The following ANKRD44 variants were observed in gnomAD, a reference collection of about 807,000 sequenced individuals.
ANKRD44 encodes ankyrin repeat domain 44, also known as serine/threonine-protein phosphatase 6 regulatory ankyrin repeat subunit B.
Under a neutral mutation model 116.0 loss-of-function variants are expected in ANKRD44, and 35 were observed. The observed-to-expected ratio is 0.30, with a 90% CI of 0.23 to 0.40. The LOEUF (loss-of-function observed/expected upper bound fraction) is 0.40, where lower values mean the gene tolerates loss of function less well. Ranked by LOEUF, ANKRD44 falls within the 10% of genes least tolerant of loss-of-function variation. The pLI, the probability that ANKRD44 is intolerant of heterozygous loss-of-function variation, is 1.00. For missense variants in ANKRD44, 1,014 were observed against 1,242.6 expected, an observed-to-expected ratio of 0.82 and a Z score of 2.77; for synonymous variants, 435 against 461.8, an observed-to-expected ratio of 0.94 and a Z score of 0.74.
At chr2:196,979,382 CAAAA>C (rs778459937) in intron 21 of ANKRD44, among the ~76,000 whole-genome samples, 1 of 40,572 alleles carries the variant, frequency 2.5e-5, no homozygotes. Flanking sequence ...GACTCCGTCT[CAAAA>C]AAAAAAAAAA....
At chr2:196,970,208 G>A (rs1409542978) in intron 21 of ANKRD44, among the ~76,000 whole-genome samples, 1 of 152,162 alleles carries the variant, frequency 6.6e-6, no homozygotes, top group Admixed American at 6.5e-5. Context: ...TATGATGGAA[G>A]GACTAAGATG....
chr2:197,257,718 T>G lies in ANKRD44; in HGVS notation c.27+52860A>C, dbSNP rs145257002. Among the ~76,000 whole-genome samples the G allele has an allele frequency of 4.3e-3, 659 of 152,336 alleles. 7 individuals are homozygous for G. The highest frequency in any genetic ancestry group is 0.015 in the African/African-American group (626 of 41,568). ...ACCCCACAAATATATACACCTACTA[T>G]GTACCCACAAAAAGTAAAAATTTTT... On this transcript the variant is annotated intron_variant, in intron 1 of 27. Transcript: ENST00000282272.
At chr2:197,096,362 A>C (rs1315288724) in intron 10 of ANKRD44, among the ~76,000 whole-genome samples, 1 of 152,208 alleles carries the variant, frequency 6.6e-6, no homozygotes, top group Non-Finnish European at 1.5e-5. Context: ...TCTGCTGTTG[A>C]GGCAGAAAAA....
At chr2:197,186,976 G>T in intron 2 of ANKRD44, 47 bp downstream of exon 2, 1 of 1,536,852 alleles carries the variant, frequency 6.5e-7, no homozygotes, top group Non-Finnish European at 9.0e-7. Context: ...GTCCTTTCCT[G>T]CTCCAGGCTA....
rs139336667 is a variant in ANKRD44 at position 197,083,442 on chromosome 2, C to A, written c.1384G>T (p.Ala462Ser). 5 of 1,613,940 alleles carry A rather than the reference C, an allele frequency of 3.1e-6. No homozygotes were observed. The highest frequency in any genetic ancestry group is 4.2e-6 in the Non-Finnish European group (5 of 1,179,890). The change falls in exon 14 of 28, where the codon GCC (alanine) becomes TCC (serine). Residue 462 changes from alanine to serine, a missense_variant. Physicochemically the swap from Ala to Ser is moderately conservative, Grantham distance 99 (BLOSUM62 1). Coordinates refer to ENST00000282272, the MANE Select transcript of ANKRD44 (RefSeq NM_001195144.2). ...CAGTCATCTGTTTCATTAACGTTGG[C>A]CCCTGTGGTCACTAATGTCTCAATA... is the stretch of plus-strand genomic sequence containing the variant. ...HCIETLVTTGANVNETDDWGR... is the reference protein window; with the variant it reads ...HCIETLVTTGSNVNETDDWGR...
At chr2:197,018,506 T>G (rs1040171806) in intron 17 of ANKRD44, among the ~76,000 whole-genome samples, 1 of 152,182 alleles carries the variant, frequency 6.6e-6, no homozygotes, top group African/African-American at 2.4e-5. Flanking sequence ...GAGCAGCCCA[T>G]GTAACATATA....
chr2:197,292,429 T>C (rs1304203441), intron 1 of ANKRD44, among the ~76,000 whole-genome samples: 2 of 152,230 alleles, frequency 1.3e-5, no homozygotes, highest in Non-Finnish European at 2.9e-5. Context: ...TGACCAGTGA[T>C]GATGTTGCTC....
intron 17 of ANKRD44, among the ~76,000 whole-genome samples, chr2:197,021,893 G>T (rs1347457939): frequency 1.3e-5 from 2 of 152,216 alleles, no homozygotes; most frequent in African/African-American, 4.8e-5. Context: ...GATCTCAACA[G>T]AATCCATGAG....
intron 21 of ANKRD44, among the ~76,000 whole-genome samples, chr2:196,971,296 T>C (rs1287438366): frequency 6.6e-6 from 1 of 152,226 alleles, no homozygotes; most frequent in Non-Finnish European, 1.5e-5. Context: ...CATAAACATT[T>C]AACTGCAACT....
chr2:196,986,483 A>G (rs1302653731), downstream of ANKRD44, among the ~76,000 whole-genome samples: 2 of 152,240 alleles, frequency 1.3e-5, no homozygotes, highest in Admixed American at 6.5e-5. Flanking sequence ...AATAAACACA[A>G]GCATATATGT....
chr2:197,247,138 C>T (rs764181090), intron 1 of ANKRD44, among the ~76,000 whole-genome samples: 1 of 152,162 alleles, frequency 6.6e-6, no homozygotes, highest in Non-Finnish European at 1.5e-5. Context: ...TTCATTCAAG[C>T]ATGGTCCTTA....
At chr2:197,062,330 T>C (rs2077332894) in intron 16 of ANKRD44, among the ~76,000 whole-genome samples, 1 of 152,202 alleles carries the variant, frequency 6.6e-6, no homozygotes, top group Non-Finnish European at 1.5e-5. Context: ...GTATTCTGAT[T>C]GGTATGGCAC....
intron 1 of ANKRD44, among the ~76,000 whole-genome samples, chr2:197,276,133 G>A (rs1341961605): frequency 6.6e-6 from 1 of 151,954 alleles, no homozygotes; most frequent in Non-Finnish European, 1.5e-5. Context: ...AAATTAGCCA[G>A]GCATGGTGGC....
Position 197,187,116 on chromosome 2 carries a change from C to T in ANKRD44, c.28-10G>A, listed in dbSNP as rs954122959. ...CCTGAACCAATGGTGGCTGCAAACACAAGAGAATGGGAATCAGAACTAAAA... is the reference window on the plus strand; with the variant it reads ...CCTGAACCAATGGTGGCTGCAAACATAAGAGAATGGGAATCAGAACTAAAA... On this transcript the variant is annotated splice_polypyrimidine_tract_variant and intron_variant, in intron 1 of 27. Coordinates refer to ENST00000282272, the MANE Select transcript of ANKRD44 (RefSeq NM_001195144.2). 95 of 1,613,742 alleles carry T rather than the reference C, an allele frequency of 5.9e-5. No homozygotes were observed. The highest frequency in any genetic ancestry group is 8.0e-5 in the Non-Finnish European group (94 of 1,179,720).
At chr2:197,151,435 C>G (rs898174907) in intron 2 of ANKRD44, among the ~76,000 whole-genome samples, 3 of 152,152 alleles carry the variant, frequency 2.0e-5, no homozygotes, top group East Asian at 3.9e-4. Context: ...AACACCCCCA[C>G]TATTTTTGAA....
intron 1 of ANKRD44, among the ~76,000 whole-genome samples, chr2:197,216,481 T>C (rs140556302): frequency 4.6e-4 from 70 of 152,282 alleles, no homozygotes; most frequent in African/African-American, 1.5e-3. Flanking sequence ...CCCTCCTAAA[T>C]CCTTGTGATC....
chr2:197,198,416 T>C (rs903118568), intron 1 of ANKRD44, among the ~76,000 whole-genome samples: 3 of 152,130 alleles, frequency 2.0e-5, no homozygotes, highest in Non-Finnish European at 2.9e-5. Flanking sequence ...ACTGCAATAA[T>C]AGTCTGCACA....
At chr2:197,005,594 C>G (rs756551249) in intron 21 of ANKRD44, 100 bp downstream of exon 21, 3 of 1,095,488 alleles carry the variant, frequency 2.7e-6, no homozygotes, top group Non-Finnish European at 4.0e-6. Flanking sequence ...GATTAGAAAC[C>G]ATGGTTTGCA....
At chr2:197,273,969 AAAAAAAAAAAAATATATATAT>A (rs1321660777) in intron 1 of ANKRD44, among the ~76,000 whole-genome samples, 1 of 47,234 alleles carries the variant, frequency 2.1e-5, no homozygotes, top group African/African-American at 7.5e-5. Flanking sequence ...ACAAAAAAAA[AAAAAAAAAAAAATATATATAT>A]ATATATATAT....
Sources: gnomAD v4.1 joint callset for allele counts (sites outside exome capture counted in the v4.1 genomes callset) on GRCh38, gnomAD v4.1.1 for gene constraint, MANE v1.5 for transcripts, NCBI Gene and HGNC (gene_info 2026-07-23, HGNC 2026-07-21) for gene names.